Variants in RELN observed in about 807,000 individuals in gnomAD.
The protein encoded by RELN is reelin.
RELN carries 108 observed loss-of-function variants against 427.6 expected under a neutral mutation model. The ratio of observed to expected loss-of-function variants is 0.25; its 90% CI spans 0.22 to 0.30. RELN has a LOEUF of 0.30. Among genes scored for constraint, RELN ranks in the 10% least tolerant of loss-of-function variants. The pLI is 1.00. For missense variants in RELN, 3,715 were observed against 4,302.8 expected (o/e 0.86, Z 3.82); for synonymous variants, 1,524 against 1,513.4 (o/e 1.01, Z -0.16).
At chr7:103,551,356 T>A (rs543158747) in intron 40 of RELN, 60 bp from the exon 41 acceptor site, 1 of 1,146,918 alleles carries the variant, frequency 8.7e-7, no homozygotes, top group East Asian at 2.5e-5. Flanking sequence ...TTGAAATGAT[T>A]CACCACTTCA....
intron 8 of RELN, among the ~76,000 whole-genome samples, chr7:103,706,400 C>A (rs1244233155): frequency 6.6e-6 from 1 of 151,026 alleles, no homozygotes; most frequent in Non-Finnish European, 1.5e-5. Context: ...AGCACCCATC[C>A]AAAAAAAAAT....
At chr7:103,724,609 C>T (rs374702138) in intron 7 of RELN, among the ~76,000 whole-genome samples, 8 of 152,112 alleles carry the variant, frequency 5.3e-5, no homozygotes, top group African/African-American at 1.9e-4. Flanking sequence ...TGCTAGCGAA[C>T]AGCAAGTTGT....
intron 51 of RELN, 40 bp downstream of exon 51, chr7:103,510,811 A>T (rs1296720371): frequency 6.6e-7 from 1 of 1,506,290 alleles, no homozygotes; most frequent in Admixed American, 1.7e-5. Context: ...TATATTGCTA[A>T]TGTATGGTTG....
At chr7:103,691,221 C>A (rs563185111) in intron 10 of RELN, among the ~76,000 whole-genome samples, 1 of 152,130 alleles carries the variant, frequency 6.6e-6, no homozygotes, top group Admixed American at 6.6e-5. Context: ...AAGCTAATTA[C>A]TCTATTTGAA....
chr7:103,657,883 G>A (rs934359854), intron 12 of RELN, among the ~76,000 whole-genome samples: 6 of 152,122 alleles, frequency 3.9e-5, no homozygotes, highest in Admixed American at 3.3e-4. Flanking sequence ...AAAAACAAAC[G>A]GGGCAGTCAG....
chr7:103,691,393 A>C (rs1489372662), intron 10 of RELN, among the ~76,000 whole-genome samples: 3 of 152,162 alleles, frequency 2.0e-5, no homozygotes, highest in African/African-American at 7.2e-5. Context: ...TGTGAATGAC[A>C]ATGGTTTATT....
chr7:103,661,348 T>C (rs1833135010), intron 12 of RELN, 28 bp downstream of exon 12: 1 of 1,612,574 alleles, frequency 6.2e-7, no homozygotes. Flanking sequence ...TGCCCCACGG[T>C]GAACAAAGTT....
At chr7:103,901,544 C>T (rs1455866051) in intron 2 of RELN, among the ~76,000 whole-genome samples, 1 of 151,934 alleles carries the variant, frequency 6.6e-6, no homozygotes, top group East Asian at 1.9e-4. Flanking sequence ...TATGGAATAT[C>T]CATACTATGG....
At chr7:103,652,822 C>G (rs1832950748) in intron 13 of RELN, 63 bp from the exon 14 acceptor site, 7 of 1,491,848 alleles carry the variant, frequency 4.7e-6, no homozygotes, top group Non-Finnish European at 2.8e-6. Context: ...TGTAAATTCT[C>G]CTAGATTTGA....
At chr7:103,813,642 A>G (rs1416557241) in intron 3 of RELN, among the ~76,000 whole-genome samples, 1 of 152,158 alleles carries the variant, frequency 6.6e-6, no homozygotes, top group Non-Finnish European at 1.5e-5. Context: ...TACGTAAGGA[A>G]AATTTCCAGA....
intron 1 of RELN, among the ~76,000 whole-genome samples, chr7:103,955,148 G>A (rs1040133164): frequency 2.0e-5 from 3 of 152,210 alleles, no homozygotes; most frequent in African/African-American, 7.2e-5. Context: ...AACCTTAAAC[G>A]AAAATCATAA....
At chr7:103,865,361 T>C (rs1227957455) in intron 2 of RELN, among the ~76,000 whole-genome samples, 1 of 147,036 alleles carries the variant, frequency 6.8e-6, no homozygotes, top group Non-Finnish European at 1.5e-5. Flanking sequence ...CTTAAATTCT[T>C]GCAATAAATT....
intron 2 of RELN, among the ~76,000 whole-genome samples, chr7:103,885,040 A>C (rs1794693195): frequency 6.6e-6 from 1 of 152,194 alleles, no homozygotes; most frequent in Non-Finnish European, 1.5e-5. Flanking sequence ...CCAAATGCTC[A>C]TCAATGATAG....
At chr7:103,635,614 T>C (rs1291635341) in intron 18 of RELN, 28 bp from the exon 19 acceptor site, 18 of 1,586,148 alleles carry the variant, frequency 1.1e-5, no homozygotes, top group Non-Finnish European at 1.6e-5. Flanking sequence ...ATAATTAGTG[T>C]ATGCATAAAC....
intron 19 of RELN, among the ~76,000 whole-genome samples, chr7:103,631,677 T>C (rs2711884): frequency 6.6e-6 from 1 of 152,200 alleles, no homozygotes; most frequent in African/African-American, 2.4e-5. Flanking sequence ...AAATTTTTCA[T>C]CAGTGTAAAT....
intron 21 of RELN, 48 bp from the exon 22 acceptor site, chr7:103,610,855 G>T (rs777213164): frequency 5.9e-6 from 6 of 1,011,392 alleles, no homozygotes; most frequent in South Asian, 5.1e-5. Flanking sequence ...GTTTTCCTCA[G>T]GTGAAATATG....
chr7:103,972,090 TAAAAATAA>T (rs750130303), intron 1 of RELN, among the ~76,000 whole-genome samples: 125 of 151,906 alleles, frequency 8.2e-4, no homozygotes, highest in Non-Finnish European at 1.2e-3. Flanking sequence ...AGTAAATAGA[TAAAAATAA>T]AAAAATAAAA....
intron 46 of RELN, among the ~76,000 whole-genome samples, chr7:103,528,212 G>T (rs1829866340): frequency 6.6e-6 from 1 of 152,190 alleles, no homozygotes; most frequent in African/African-American, 2.4e-5. Context: ...ATATTAATCA[G>T]CTGTAAGGCG....
intron 3 of RELN, among the ~76,000 whole-genome samples, chr7:103,793,677 T>C (rs1400807809): frequency 6.6e-6 from 1 of 152,210 alleles, no homozygotes; most frequent in African/African-American, 2.4e-5. Flanking sequence ...GCAGGTGTAT[T>C]TTCAGGGAAA....
Sources: gnomAD v4.1 joint callset for allele counts (sites outside exome capture counted in the v4.1 genomes callset) on GRCh38, gnomAD v4.1.1 for gene constraint, MANE v1.5 for transcripts, NCBI Gene and HGNC (gene_info 2026-07-23, HGNC 2026-07-21) for gene names.